CCNY: variants seen among roughly 807,000 people sequenced by gnomAD.
CCNY encodes cyclin Y, also known as cyclin-Y.
In CCNY, 19 loss-of-function variants were observed where a neutral mutation model predicts 42.8. The observed-to-expected ratio is 0.44, with a 90% confidence interval of 0.31 to 0.65. The LOEUF (loss-of-function observed/expected upper bound fraction) is 0.65, where lower values mean the gene tolerates loss of function less well. CCNY is among the 30% of genes least tolerant of loss of function. The pLI, the probability that CCNY is intolerant of heterozygous loss-of-function variation, is 0.07. For missense variants in CCNY, 370 were observed against 437.3 expected, an observed-to-expected ratio of 0.85 and a Z score of 1.37; for synonymous variants, 165 against 162.7, an observed-to-expected ratio of 1.01 and a Z score of -0.11.
intron 1 of CCNY, among the ~76,000 whole-genome samples, chr10:35,421,086 T>C (rs1838149315): frequency 6.6e-6 from 1 of 152,086 alleles, no homozygotes; most frequent in Non-Finnish European, 1.5e-5. Flanking sequence ...CGGCTCTGCT[T>C]TGGGGTGGGA....
intron 3 of CCNY, among the ~76,000 whole-genome samples, chr10:35,317,011 A>C (rs1225427710): frequency 6.6e-6 from 1 of 152,034 alleles, no homozygotes; most frequent in Non-Finnish European, 1.5e-5. Context: ...ACGCCCGGCT[A>C]ATTTTTCTAT....
At chr10:35,553,469 T>C (rs1386886030) in intron 8 of CCNY, among the ~76,000 whole-genome samples, 1 of 152,178 alleles carries the variant, frequency 6.6e-6, no homozygotes, top group Non-Finnish European at 1.5e-5. Flanking sequence ...ATTAGAAAGG[T>C]GTGGTCCAGC....
At chr10:35,326,884 C>T (rs1835886213) in intron 3 of CCNY, among the ~76,000 whole-genome samples, 1 of 151,388 alleles carries the variant, frequency 6.6e-6, no homozygotes, top group Non-Finnish European at 1.5e-5. Flanking sequence ...GTGACACTGT[C>T]TCTTAAAACA....
At chr10:35,489,804 TACTC>T (rs767891977) in intron 2 of CCNY, among the ~76,000 whole-genome samples, 4 of 152,228 alleles carry the variant, frequency 2.6e-5, no homozygotes, top group South Asian at 2.1e-4. Context: ...GCAAAAGAAT[TACTC>T]AGTTAGAGGA....
At chr10:35,291,976 A>G (rs558866338) in intron 3 of CCNY, among the ~76,000 whole-genome samples, 1 of 152,330 alleles carries the variant, frequency 6.6e-6, no homozygotes, top group South Asian at 2.1e-4. Context: ...AGATTGCAAC[A>G]TGTTACATTC....
rs999850132 is a variant in CCNY at position 35,259,210 on chromosome 10, A to C, written c.-9+8584A>C. On this transcript the variant is annotated intron_variant, in intron 3 of 11. Coordinates refer to the CCNY transcript ENST00000374706. Reference sequence around the variant, plus strand: ...ATCATCTTTCCAGAATCCTCTGTCCAGGCCTTTGTTTGAAAGTATAGCTTT... The same window carrying C: ...ATCATCTTTCCAGAATCCTCTGTCCCGGCCTTTGTTTGAAAGTATAGCTTT... Among the ~76,000 whole-genome samples the C allele has an allele frequency of 9.9e-4, 151 of 152,140 alleles. 3 individuals carry two copies. The highest frequency in any genetic ancestry group is 2.2e-4 in the Non-Finnish European group (15 of 68,028).
intron 7 of CCNY, among the ~76,000 whole-genome samples, chr10:35,538,621 T>C (rs1344353297): frequency 2.0e-5 from 3 of 152,242 alleles, no homozygotes; most frequent in Admixed American, 6.5e-5. Context: ...TGGAGAAGTA[T>C]CTATTTACAT....
chr10:35,282,733 A>AAAAAG (rs1443012116), intron 3 of CCNY, among the ~76,000 whole-genome samples: 2 of 151,534 alleles, frequency 1.3e-5, no homozygotes, highest in East Asian at 1.9e-4. Flanking sequence ...AAAAAAAAAA[A>AAAAAG]AAAAGAAAAG....
chr10:35,482,719 G>T (rs1247124325), intron 1 of CCNY, among the ~76,000 whole-genome samples: 1 of 145,758 alleles, frequency 6.9e-6, no homozygotes, highest in African/African-American at 2.5e-5. Flanking sequence ...GTTGCCAAAC[G>T]ATCTGATTTC....
At chr10:35,487,016 G>A (rs550428318) in intron 2 of CCNY, among the ~76,000 whole-genome samples, 4 of 152,254 alleles carry the variant, frequency 2.6e-5, no homozygotes, top group East Asian at 1.9e-4. Context: ...TTTGCCACCC[G>A]CTAGCCCCTA....
chr10:35,395,823 G>C (rs1334672598), intron 1 of CCNY, among the ~76,000 whole-genome samples: 1 of 152,192 alleles, frequency 6.6e-6, no homozygotes, highest in African/African-American at 2.4e-5. Context: ...ACCTTCAGCT[G>C]TCCTGGGTGC....
At chr10:35,403,093 G>A (rs1285160648) in intron 1 of CCNY, among the ~76,000 whole-genome samples, 1 of 137,130 alleles carries the variant, frequency 7.3e-6, no homozygotes, top group Non-Finnish European at 1.6e-5. Flanking sequence ...CCTGGGCGGG[G>A]GAAAATCCCT....
At chr10:35,485,283 C>G (rs1197654989) in intron 2 of CCNY, among the ~76,000 whole-genome samples, 1 of 152,206 alleles carries the variant, frequency 6.6e-6, no homozygotes, top group African/African-American at 2.4e-5. Context: ...TGGGCTATTG[C>G]CCATGTATGT....
At chr10:35,513,460 C>T (rs1384853207) in intron 3 of CCNY, among the ~76,000 whole-genome samples, 1 of 152,144 alleles carries the variant, frequency 6.6e-6, no homozygotes, top group African/African-American at 2.4e-5. Context: ...CAAAATGTTG[C>T]AGGCATTAGG....
intron 3 of CCNY, among the ~76,000 whole-genome samples, chr10:35,261,790 G>A (rs2095719892): frequency 6.6e-6 from 1 of 152,168 alleles, no homozygotes; most frequent in Non-Finnish European, 1.5e-5. Context: ...GGAGGCCAAT[G>A]CAGGCAGATC....
At chr10:35,252,911 C>T (rs972949866) in intron 3 of CCNY, among the ~76,000 whole-genome samples, 12 of 152,098 alleles carry the variant, frequency 7.9e-5, no homozygotes, top group African/African-American at 2.7e-4. Flanking sequence ...GTAGTGGTCG[C>T]AGAAAGTCCT....
At chr10:35,529,936 G>T in intron 5 of CCNY, 37 bp from the exon 6 acceptor site, 1 of 1,546,780 alleles carries the variant, frequency 6.5e-7, no homozygotes, top group Non-Finnish European at 8.9e-7. Context: ...CATTCTTGCA[G>T]AAAGTAAGTT....
chr10:35,359,906 CA>C (rs1360630395), intron 1 of CCNY, among the ~76,000 whole-genome samples: 1 of 152,230 alleles, frequency 6.6e-6, no homozygotes, highest in Non-Finnish European at 1.5e-5. Context: ...GTAATGTCCT[CA>C]AGGTTTATCC....
chr10:35,335,423 C>T (rs1210865544), upstream of CCNY, among the ~76,000 whole-genome samples: 1 of 152,154 alleles, frequency 6.6e-6, no homozygotes, highest in Non-Finnish European at 1.5e-5. Context: ...AACAACTCCA[C>T]AGCGAATTCA....
Sources: gnomAD v4.1 joint callset for allele counts (sites outside exome capture counted in the v4.1 genomes callset) on GRCh38, gnomAD v4.1.1 for gene constraint, MANE v1.5 for transcripts, NCBI Gene and HGNC (gene_info 2026-07-23, HGNC 2026-07-21) for gene names.